Variants in NEGR1 observed in about 807,000 individuals in gnomAD.
NEGR1 encodes neuronal growth regulator 1, also known as IgLON family member 4.
A neutral mutation model predicts 40.9 loss-of-function variants in NEGR1; 10 were observed. That is an observed-to-expected ratio of 0.24 (90% CI 0.15 to 0.42). The LOEUF is 0.42. NEGR1 is among the 10% of genes least tolerant of loss of function. The probability of loss-of-function intolerance (pLI) is 1.00; values close to 1 mark genes in which losing one functional copy is unlikely to be tolerated. For synonymous variants in NEGR1, 185 were observed against 166.8 expected (o/e 1.11, Z -0.84); for missense variants, 352 against 438.9 (o/e 0.80, Z 1.77).
chr1:72,247,184 C>T (rs1654929879), intron 1 of NEGR1, among the ~76,000 whole-genome samples: 1 of 152,198 alleles, frequency 6.6e-6, no homozygotes, highest in Admixed American at 6.5e-5. Context: ...TTTCCCCATT[C>T]TCTTTGGTAT....
At chr1:72,256,790 G>T (rs1655282733) in intron 1 of NEGR1, among the ~76,000 whole-genome samples, 1 of 152,060 alleles carries the variant, frequency 6.6e-6, no homozygotes, top group South Asian at 2.1e-4. Context: ...AATAAAAATG[G>T]AATGTGCATA....
intron 2 of NEGR1, among the ~76,000 whole-genome samples, chr1:71,796,728 T>C (rs1345346862): frequency 2.0e-5 from 3 of 152,168 alleles, no homozygotes. Flanking sequence ...GCAGGAGTCA[T>C]ACTTCTTTAC....
intron 1 of NEGR1, among the ~76,000 whole-genome samples, chr1:71,947,937 AT>A (rs1280828317): frequency 4.6e-5 from 7 of 152,160 alleles, no homozygotes; most frequent in African/African-American, 1.7e-4. Flanking sequence ...TTTGAGTAGT[AT>A]TTCTCCACTT....
intron 1 of NEGR1, among the ~76,000 whole-genome samples, chr1:71,957,398 T>G (rs1646128039): frequency 6.6e-6 from 1 of 152,132 alleles, no homozygotes; most frequent in Non-Finnish European, 1.5e-5. Flanking sequence ...TCAAGCCAAT[T>G]TGAGGCAGAG....
At chr1:71,539,556 A>G (rs1647622075) in intron 6 of NEGR1, among the ~76,000 whole-genome samples, 1 of 151,720 alleles carries the variant, frequency 6.6e-6, no homozygotes, top group Admixed American at 6.6e-5. Flanking sequence ...AGATGTGTGT[A>G]TATGATGGAG....
chr1:71,513,902 C>T (rs1157445008), intron 6 of NEGR1, among the ~76,000 whole-genome samples: 5 of 147,018 alleles, frequency 3.4e-5, no homozygotes, highest in African/African-American at 1.3e-4. Context: ...CGAGGCATTG[C>T]CTCACCTGGG....
chr1:71,900,337 C>A (rs182999665), intron 2 of NEGR1, among the ~76,000 whole-genome samples: 21 of 152,210 alleles, frequency 1.4e-4, no homozygotes, highest in Admixed American at 1.3e-3. Context: ...CATTCTTTAT[C>A]CTAGTCATGC....
chr1:71,694,614 G>A (rs540176990), intron 4 of NEGR1, among the ~76,000 whole-genome samples: 3 of 151,780 alleles, frequency 2.0e-5, no homozygotes, highest in East Asian at 1.9e-4. Context: ...AATCCACAGT[G>A]ACAGGTATGA....
chr1:71,614,191 A>G (rs1430191715), intron 4 of NEGR1, among the ~76,000 whole-genome samples: 2 of 151,974 alleles, frequency 1.3e-5, no homozygotes, highest in Non-Finnish European at 1.5e-5. Flanking sequence ...TTTCCAAAAA[A>G]TGTTTGCATG....
chr1:71,550,667 T>C (rs1216228016), intron 6 of NEGR1, among the ~76,000 whole-genome samples: 1 of 151,604 alleles, frequency 6.6e-6, no homozygotes, highest in East Asian at 2.0e-4. Flanking sequence ...CCTAGACTAG[T>C]TTCTGAGAGT....
chr1:71,822,946 G>C (rs1025406272), intron 2 of NEGR1, among the ~76,000 whole-genome samples: 1 of 152,014 alleles, frequency 6.6e-6, no homozygotes, highest in Non-Finnish European at 1.5e-5. Context: ...CCAGATTGCA[G>C]GCAATAGTCT....
chr1:71,592,713 G>A, intron 6 of NEGR1, 104 bp downstream of exon 6: 1 of 835,146 alleles, frequency 1.2e-6, no homozygotes, highest in Non-Finnish European at 1.9e-6. Flanking sequence ...GTCACATCAG[G>A]TTGAGTTTTA....
At chr1:71,864,526 T>C (rs1455755326) in intron 2 of NEGR1, among the ~76,000 whole-genome samples, 1 of 152,220 alleles carries the variant, frequency 6.6e-6, no homozygotes, top group African/African-American at 2.4e-5. Context: ...GATACATTGA[T>C]AAATGTTGTA....
chr1:71,635,542 C>G (rs1651119938), intron 4 of NEGR1, among the ~76,000 whole-genome samples: 1 of 151,960 alleles, frequency 6.6e-6, no homozygotes, highest in South Asian at 2.1e-4. Context: ...TAGATTGGAT[C>G]TGAGGGAAAT....
intron 3 of NEGR1, among the ~76,000 whole-genome samples, chr1:71,761,713 T>C (rs1207260986): frequency 2.6e-5 from 4 of 151,966 alleles, no homozygotes; most frequent in Non-Finnish European, 4.4e-5. Context: ...TTAACCAAAA[T>C]ATCCTTCAGA....
At chr1:72,146,364 T>C (rs1570038975) in intron 1 of NEGR1, among the ~76,000 whole-genome samples, 1 of 152,172 alleles carries the variant, frequency 6.6e-6, no homozygotes, top group Admixed American at 6.6e-5. Context: ...TTTCACTCTA[T>C]TAATGCCATG....
intron 6 of NEGR1, among the ~76,000 whole-genome samples, chr1:71,568,776 A>C (rs1170549907): frequency 6.6e-6 from 1 of 151,700 alleles, no homozygotes; most frequent in Non-Finnish European, 1.5e-5. Flanking sequence ...TATAAAATAA[A>C]ATTATAAGAA....
chr1:72,174,513 G>A (rs1300017781), intron 1 of NEGR1, among the ~76,000 whole-genome samples: 2 of 152,070 alleles, frequency 1.3e-5, no homozygotes, highest in Non-Finnish European at 2.9e-5. Context: ...CTCCAACTCT[G>A]AGTAAACATT....
intron 1 of NEGR1, among the ~76,000 whole-genome samples, chr1:72,068,341 C>T (rs1209952279): frequency 6.6e-6 from 1 of 152,164 alleles, no homozygotes; most frequent in Non-Finnish European, 1.5e-5. Context: ...ATCATGCCTG[C>T]TGGCATCCCT....
Sources: allele counts gnomAD v4.1 joint callset (sites outside exome capture counted in the v4.1 genomes callset), GRCh38; gene constraint gnomAD v4.1.1; transcripts MANE v1.5; gene names NCBI Gene and HGNC (gene_info 2026-07-23, HGNC 2026-07-21).